The following DCAF6 variants were observed in gnomAD, a reference collection of about 807,000 sequenced individuals.
The protein encoded by DCAF6 is DDB1- and CUL4-associated factor 6.
Under a neutral mutation model 125.1 loss-of-function variants are expected in DCAF6, and 54 were observed. The ratio of observed to expected loss-of-function variants is 0.43; its 90% CI spans 0.35 to 0.54. DCAF6 has a LOEUF of 0.54. Among genes scored for constraint, DCAF6 ranks in the 20% least tolerant of loss-of-function variants. DCAF6 has a pLI of 0.01. For missense variants in DCAF6, 934 were observed against 1,161.7 expected (o/e 0.80, Z 2.85); for synonymous variants, 371 against 390.4 (o/e 0.95, Z 0.58).
chr1:168,066,549 T>C, intron 20 of DCAF6, 84 bp downstream of exon 20: 1 of 930,378 alleles, frequency 1.1e-6, no homozygotes, highest in Non-Finnish European at 1.7e-6. Flanking sequence ...AAGTTATTAG[T>C]TGCTAACATG....
chr1:167,953,703 A>C (rs1188159553), intron 2 of DCAF6, among the ~76,000 whole-genome samples: 1 of 151,642 alleles, frequency 6.6e-6, no homozygotes, highest in Non-Finnish European at 1.5e-5. Flanking sequence ...GGGTTCAAGC[A>C]GTTCTCCGCT....
chr1:167,875,178 C>A, the DCAF6 span: 64 of 1,614,030 alleles, frequency 4.0e-5, no homozygotes, highest in Admixed American at 1.0e-3. Context: ...GCACGCCATA[C>A]CAAACATGCT....
intron 11 of DCAF6, 86 bp from the exon 12 acceptor site, chr1:168,022,902 T>A: frequency 8.1e-7 from 1 of 1,239,772 alleles, no homozygotes; most frequent in Admixed American, 1.9e-5. Context: ...CTTATACATT[T>A]GTTTCTTAAG....
At chr1:167,920,094 T>C in the DCAF6 span, 1 of 1,578,978 alleles carries the variant, frequency 6.3e-7, no homozygotes, top group Non-Finnish European at 8.7e-7. Flanking sequence ...ATAAACCCTG[T>C]TGAAACAAAA....
At chr1:168,034,102 A>C (rs965372162) in intron 12 of DCAF6, among the ~76,000 whole-genome samples, 2 of 152,248 alleles carry the variant, frequency 1.3e-5, no homozygotes, top group African/African-American at 4.8e-5. Context: ...ATTTCTGAGG[A>C]GTAACAACAT....
Position 168,055,507 on chromosome 1 carries a change from T to G in DCAF6, c.2300+4574T>G, listed in dbSNP as rs376060918. 3.0e-4 allele frequency among the ~76,000 whole-genome samples: 25 copies of G among 83,180 alleles called. No individual in the cohort carries two copies. In the South Asian group the frequency reaches 7.5e-3, roughly 25 times the overall value. The allele number at this position is 83,180 out of a possible 152,430, so 54.6% of individuals were successfully genotyped here. On this transcript the variant is annotated intron_variant, in intron 17 of 21. Transcript: ENST00000367840. ...GCAACAAAACCTCTTCACTTCCAGT[T>G]ATTTCCAATGGAAAGATCATTAAGT...
At chr1:168,046,251 A>G (rs1399817795) in intron 16 of DCAF6, among the ~76,000 whole-genome samples, 2 of 152,166 alleles carry the variant, frequency 1.3e-5, no homozygotes, top group Non-Finnish European at 2.9e-5. Context: ...AAAAAAATCT[A>G]TCAGTCAATC....
intron 12 of DCAF6, among the ~76,000 whole-genome samples, chr1:168,030,482 G>T (rs1001986135): frequency 2.6e-5 from 4 of 152,234 alleles, no homozygotes; most frequent in African/African-American, 9.6e-5. Context: ...GTATGGCTAT[G>T]GCCTGATACT....
At chr1:167,915,792 C>T in the DCAF6 span, among the ~76,000 whole-genome samples, 1 of 152,154 alleles carries the variant, frequency 6.6e-6, no homozygotes, top group Admixed American at 6.5e-5. Context: ...TACTGTGGAC[C>T]AGGCACTGTG....
intron 1 of DCAF6, among the ~76,000 whole-genome samples, chr1:167,946,184 G>C (rs987240990): frequency 1.4e-4 from 22 of 151,820 alleles, no homozygotes; most frequent in African/African-American, 4.1e-4. Context: ...TTGAACTACT[G>C]ACCTCAGGTG....
chr1:167,909,470 T>C, the DCAF6 span, among the ~76,000 whole-genome samples: 7 of 152,238 alleles, frequency 4.6e-5, no homozygotes, highest in African/African-American at 1.7e-4. Flanking sequence ...CTATGTCCTG[T>C]GGGCCACATG....
At chr1:167,874,014 G>A in the DCAF6 span, among the ~76,000 whole-genome samples, 2 of 152,120 alleles carry the variant, frequency 1.3e-5, no homozygotes, top group Non-Finnish European at 2.9e-5. Flanking sequence ...TGAAAAATAG[G>A]TGAAAAATTG....
chr1:168,061,003 A>C (rs1442578709), intron 17 of DCAF6, among the ~76,000 whole-genome samples: 1 of 152,180 alleles, frequency 6.6e-6, no homozygotes, highest in Admixed American at 6.5e-5. Context: ...TTAGCAAAAG[A>C]GTTTTTTCTT....
Position 168,057,957 on chromosome 1 carries a change from G to A in DCAF6, c.2301-5664G>A, listed in dbSNP as rs971257735. On this transcript the variant is annotated intron_variant, in intron 17 of 21. Transcript: ENST00000367840. ...CCTATTTTGTCCATCTGCCTACCACGCCAGTGGTAACCAGTGTCCTGAATG... is the reference window on the plus strand; with the variant it reads ...CCTATTTTGTCCATCTGCCTACCACACCAGTGGTAACCAGTGTCCTGAATG... Among the ~76,000 whole-genome samples, 11 of 152,206 alleles carry A rather than the reference G, an allele frequency of 7.2e-5. No homozygotes were observed. The Middle Eastern group carries it at 0.01, about 141-fold the overall frequency.
intron 4 of DCAF6, among the ~76,000 whole-genome samples, chr1:167,985,045 T>C (rs1679748734): frequency 6.6e-6 from 1 of 151,948 alleles, no homozygotes; most frequent in Non-Finnish European, 1.5e-5. Flanking sequence ...AACCATCATA[T>C]CTCATGAGAC....
chr1:167,895,348 G>C, the DCAF6 span, among the ~76,000 whole-genome samples: 347 of 152,220 alleles, frequency 2.3e-3, 1 homozygote, highest in African/African-American at 8.0e-3. Flanking sequence ...AGCTTCTGAG[G>C]TTCTTGGCCT....
the DCAF6 span, chr1:167,924,561 A>C: frequency 6.7e-7 from 1 of 1,490,186 alleles, no homozygotes; most frequent in East Asian, 2.4e-5. Context: ...GAAAAGAAAA[A>C]TTCAGGAATA....
At chr1:168,063,969 T>C (rs1388547254) in intron 18 of DCAF6, 1 of 413,442 alleles carries the variant, frequency 2.4e-6, no homozygotes, top group African/African-American at 2.1e-5. Flanking sequence ...ACTAAAAAAA[T>C]GCAGATTAAA....
chr1:167,921,028 A>C, the DCAF6 span, among the ~76,000 whole-genome samples: 2 of 152,122 alleles, frequency 1.3e-5, no homozygotes, highest in African/African-American at 2.4e-5. Flanking sequence ...AAAGCTGTTA[A>C]GGTCATTTGT....
Sources: allele counts gnomAD v4.1 joint callset (sites outside exome capture counted in the v4.1 genomes callset), GRCh38; gene constraint gnomAD v4.1.1; transcripts MANE v1.5; gene names NCBI Gene and HGNC (gene_info 2026-07-23, HGNC 2026-07-21).